Variants in GSE1 observed in about 807,000 individuals in gnomAD.
GSE1 encodes the protein genetic suppressor element 1.
A neutral mutation model predicts 112.6 loss-of-function variants in GSE1; 32 were observed. The ratio of observed to expected loss-of-function variants is 0.28; its 90% CI spans 0.21 to 0.38. The LOEUF (loss-of-function observed/expected upper bound fraction) is 0.38. GSE1 is among the 10% of genes least tolerant of loss of function. The pLI is 1.00. For missense variants in GSE1, 2,348 were observed against 1,699.2 expected (o/e 1.38, Z -6.71); for synonymous variants, 1,115 against 735.6 (o/e 1.52, Z -8.35).
At chr16:85,553,311 T>C (rs1281430166), upstream of GSE1, among the ~76,000 whole-genome samples, 7 of 149,306 alleles carry the variant, frequency 4.7e-5, no homozygotes, top group Admixed American at 4.0e-4. Context: ...CCGCCGCCGC[T>C]GCCGGCGGGT....
Position 85,670,985 on chromosome 16 carries a change from G to C in GSE1, c.3416-10G>C. On this transcript the variant is annotated splice_polypyrimidine_tract_variant and intron_variant, in intron 14 of 15. Coordinates refer to ENST00000253458, the MANE Select transcript of GSE1 (RefSeq NM_014615.5). Reference sequence around the variant, plus strand: ...TACGGAAAATACATCACCATCTCCTGTCTTTTCAGAGCAAAATCTGGAGCG... The same window carrying C: ...TACGGAAAATACATCACCATCTCCTCTCTTTTCAGAGCAAAATCTGGAGCG... 6.4e-7 allele frequency: 1 copy of C among 1,573,896 alleles called. No homozygotes were observed. Among genetic ancestry groups the C allele is most frequent in the Non-Finnish European group, 8.7e-7 (1 of 1,143,834 alleles).
chr16:85,474,386 G>A (rs568954683), intron 2 of GSE1, among the ~76,000 whole-genome samples: 1 of 152,266 alleles, frequency 6.6e-6, no homozygotes, highest in South Asian at 2.1e-4. Context: ...GTTGCTGGGA[G>A]CCAGAGGAGA....
At chr16:85,454,026 C>A (rs1013138130) in intron 2 of GSE1, among the ~76,000 whole-genome samples, 1 of 152,198 alleles carries the variant, frequency 6.6e-6, no homozygotes, top group African/African-American at 2.4e-5. Flanking sequence ...CCCTGCCCCA[C>A]GGGCATCCAG....
chr16:85,502,924 C>T lies in GSE1; in HGVS notation c.2465-130990C>T, dbSNP rs188287848. 5.1e-3 allele frequency among the ~76,000 whole-genome samples: 772 copies of T among 152,184 alleles called. 5 individuals are homozygous for T. Among genetic ancestry groups the T allele is most frequent in the African/African-American group, 0.018 (733 of 41,486 alleles). On this transcript the variant is annotated intron_variant, in intron 2 of 2. Coordinates refer to the GSE1 transcript ENST00000637419. ...GCCAGGGCTGGGTGCCCACGGAAGA[C>T]AGAATGCGTGGCGGGAGGAGGATTA...
intron 1 of GSE1, among the ~76,000 whole-genome samples, chr16:85,259,608 G>A (rs1410962023): frequency 6.6e-6 from 1 of 152,226 alleles, no homozygotes; most frequent in Non-Finnish European, 1.5e-5. Flanking sequence ...CCTGCTGCTG[G>A]GGTTTTGTCC....
At chr16:85,468,446 A>G (rs559459229) in intron 2 of GSE1, among the ~76,000 whole-genome samples, 1 of 150,786 alleles carries the variant, frequency 6.6e-6, no homozygotes, top group Admixed American at 6.6e-5. Flanking sequence ...CCTCCTGAGT[A>G]GCTGACATTA....
At chr16:85,403,434 G>A (rs976625575) in intron 2 of GSE1, among the ~76,000 whole-genome samples, 1 of 152,114 alleles carries the variant, frequency 6.6e-6, no homozygotes, top group Non-Finnish European at 1.5e-5. Flanking sequence ...GAGAATGAGG[G>A]TCTCTTGGTT....
chr16:85,299,759 C>G (rs1406434790), intron 1 of GSE1, among the ~76,000 whole-genome samples: 1 of 151,988 alleles, frequency 6.6e-6, no homozygotes, highest in East Asian at 1.9e-4. Context: ...GGGACTCTGT[C>G]TCTATAAAAA....
intron 2 of GSE1, among the ~76,000 whole-genome samples, chr16:85,364,433 T>C (rs973629629): frequency 3.3e-5 from 5 of 152,194 alleles, no homozygotes; most frequent in Non-Finnish European, 7.3e-5. Context: ...GCTGCAGGGA[T>C]TGGGATGTAG....
intron 10 of GSE1, 113 bp from the exon 11 acceptor site, chr16:85,663,231 A>T: frequency 7.4e-7 from 1 of 1,346,434 alleles, no homozygotes; most frequent in African/African-American, 1.4e-5. Flanking sequence ...TTCTCCCACC[A>T]GGCGCAGCCA....
intron 1 of GSE1, among the ~76,000 whole-genome samples, chr16:85,270,411 C>T (rs943012040): frequency 1.3e-5 from 2 of 149,058 alleles, no homozygotes; most frequent in African/African-American, 4.9e-5. Flanking sequence ...GGCTCCACTC[C>T]GTCTGCTTGG....
chr16:85,647,690 G>C (rs745845025), intron 2 of GSE1, among the ~76,000 whole-genome samples: 43 of 152,122 alleles, frequency 2.8e-4, no homozygotes, highest in Admixed American at 3.3e-4. Context: ...GGGTTCAAGC[G>C]ATTCTCCTGC....
At chr16:85,372,488 A>G (rs1280771091) in intron 2 of GSE1, among the ~76,000 whole-genome samples, 3 of 3,616 alleles carry the variant, frequency 8.3e-4, no homozygotes, top group African/African-American at 1.4e-3. Context: ...CTGTCTCACA[A>G]AAAAAAAAAA....
intron 1 of GSE1, among the ~76,000 whole-genome samples, chr16:85,227,085 T>A (rs1372467654): frequency 2.0e-5 from 3 of 151,782 alleles, no homozygotes; most frequent in Non-Finnish European, 4.4e-5. Context: ...TACCCATCTT[T>A]CCTCAGTCCT....
intron 2 of GSE1, among the ~76,000 whole-genome samples, chr16:85,635,500 C>A (rs1463330168): frequency 7.3e-6 from 1 of 136,572 alleles, no homozygotes; most frequent in African/African-American, 2.7e-5. Flanking sequence ...GTGGAGGCAT[C>A]CTGGACTCTC....
chr16:85,631,722 C>T (rs2049553820), intron 1 of GSE1, among the ~76,000 whole-genome samples: 1 of 152,234 alleles, frequency 6.6e-6, no homozygotes, highest in Non-Finnish European at 1.5e-5. Flanking sequence ...GGAGTGACCT[C>T]ATGAGGTCAG....
intron 1 of GSE1, among the ~76,000 whole-genome samples, chr16:85,348,718 C>T (rs534216659): frequency 5.3e-5 from 8 of 152,326 alleles, no homozygotes; most frequent in Middle Eastern, 3.4e-3. Context: ...GGCTCTGGAT[C>T]GTGCTTTTGT....
intron 14 of GSE1, among the ~76,000 whole-genome samples, chr16:85,668,668 C>A (rs994243505): frequency 1.3e-5 from 2 of 152,206 alleles, no homozygotes; most frequent in African/African-American, 4.8e-5. Flanking sequence ...TGGCACCTGT[C>A]ATTCTTTATG....
At chr16:85,276,274 G>T (rs1909351135) in intron 1 of GSE1, among the ~76,000 whole-genome samples, 1 of 152,228 alleles carries the variant, frequency 6.6e-6, no homozygotes, top group Non-Finnish European at 1.5e-5. Context: ...CACCTGACTT[G>T]AATCTCCCCG....
Sources: allele counts gnomAD v4.1 joint callset (sites outside exome capture counted in the v4.1 genomes callset), GRCh38; gene constraint gnomAD v4.1.1; transcripts MANE v1.5; gene names NCBI Gene and HGNC (gene_info 2026-07-23, HGNC 2026-07-21).